NXPH1: variants seen among roughly 807,000 people sequenced by gnomAD.
The protein encoded by NXPH1 is neurexophilin 1, also known as neurexophilin-1.
NXPH1 carries 5 observed loss-of-function variants against 23.7 expected under a neutral mutation model. That is an observed-to-expected ratio of 0.21 (90% CI 0.11 to 0.44). The LOEUF (loss-of-function observed/expected upper bound fraction) is 0.44, where lower values mean the gene tolerates loss of function less well. Ranked by LOEUF, NXPH1 falls within the 20% of genes least tolerant of loss-of-function variation. The pLI is 0.99. For synonymous variants in NXPH1, 144 were observed against 122.2 expected (o/e 1.18, Z -1.18); for missense variants, 324 against 321.6 (o/e 1.01, Z -0.06).
At chr7:8,492,807 G>A (rs1314954878) in intron 2 of NXPH1, among the ~76,000 whole-genome samples, 1 of 151,936 alleles carries the variant, frequency 6.6e-6, no homozygotes, top group Non-Finnish European at 1.5e-5. Flanking sequence ...ACTGCACAAT[G>A]AGCCTTCTTA....
chr7:8,630,948 C>T (rs1408781987), intron 2 of NXPH1, among the ~76,000 whole-genome samples: 1 of 152,080 alleles, frequency 6.6e-6, no homozygotes, highest in Non-Finnish European at 1.5e-5. Context: ...TCTGAAAGGC[C>T]TCAGTATGTG....
rs575705274 is a variant in NXPH1 at position 8,433,713 on chromosome 7, G to A, written c.-1153G>A. Among the ~76,000 whole-genome samples, 287 of 152,138 alleles carry A rather than the reference G, an allele frequency of 1.9e-3. 1 individual carries two copies. Among genetic ancestry groups the A allele is most frequent in the African/African-American group, 6.6e-3 (276 of 41,520 alleles). On this transcript the variant is annotated 5_prime_UTR_variant, in exon 1 of 3. Transcript: ENST00000405863. The surrounding 1 kb of genome is among the most constrained non-coding windows in gnomAD (Gnocchi z 6.8). ...GCGCCCGGCGTCGGCGCTCGAGGCC[G>A]GCAGGGGCGCCCTGCACCCTCCCGC...
chr7:8,720,915 G>A (rs1446976612), intron 2 of NXPH1, among the ~76,000 whole-genome samples: 1 of 152,170 alleles, frequency 6.6e-6, no homozygotes, highest in Non-Finnish European at 1.5e-5. Context: ...AGCCTATGCT[G>A]TTCAAAAATG....
chr7:8,541,774 A>T (rs1203821436), intron 2 of NXPH1, among the ~76,000 whole-genome samples: 2 of 151,682 alleles, frequency 1.3e-5, no homozygotes, highest in South Asian at 2.1e-4. Context: ...TATACTATAT[A>T]TAAAGTGGTA....
intron 2 of NXPH1, among the ~76,000 whole-genome samples, chr7:8,469,636 C>T (rs77826555): frequency 1.0e-3 from 152 of 152,174 alleles, no homozygotes; most frequent in Non-Finnish European, 1.7e-3. Context: ...AATAAGCTAA[C>T]TTCATTATGA....
intron 2 of NXPH1, among the ~76,000 whole-genome samples, chr7:8,665,303 G>A (rs938206782): frequency 6.6e-6 from 1 of 151,894 alleles, no homozygotes; most frequent in African/African-American, 2.4e-5. Context: ...TGTGTTCTTG[G>A]CACATTTACT....
intron 2 of NXPH1, among the ~76,000 whole-genome samples, chr7:8,656,108 A>T (rs954626187): frequency 6.6e-6 from 1 of 152,214 alleles, no homozygotes; most frequent in Non-Finnish European, 1.5e-5. Flanking sequence ...TAAGTGATTT[A>T]TATCATTGGC....
chr7:8,690,982 C>A (rs117946754), intron 2 of NXPH1, among the ~76,000 whole-genome samples: 10 of 152,216 alleles, frequency 6.6e-5, no homozygotes, highest in Non-Finnish European at 1.3e-4. Context: ...TACTCCTTTC[C>A]TCTGAAGACT....
intron 2 of NXPH1, among the ~76,000 whole-genome samples, chr7:8,465,810 C>G (rs930569793): frequency 6.6e-6 from 1 of 152,336 alleles, no homozygotes; most frequent in African/African-American, 2.4e-5. Flanking sequence ...ACATGACTCT[C>G]ATGGGGATTA....
At chr7:8,558,209 T>A (rs1818390919) in intron 2 of NXPH1, among the ~76,000 whole-genome samples, 1 of 150,182 alleles carries the variant, frequency 6.7e-6, no homozygotes, top group Non-Finnish European at 1.5e-5. Flanking sequence ...GAGTCAAAAT[T>A]GTATCTGTTT....
At chr7:8,670,689 T>C (rs553819049) in intron 2 of NXPH1, among the ~76,000 whole-genome samples, 2 of 152,334 alleles carry the variant, frequency 1.3e-5, no homozygotes, top group East Asian at 3.9e-4. Context: ...CTTTAAAACA[T>C]AGGTCAGTGG....
intron 2 of NXPH1, among the ~76,000 whole-genome samples, chr7:8,549,304 G>A (rs548874081): frequency 2.0e-5 from 3 of 151,568 alleles, no homozygotes; most frequent in African/African-American, 7.2e-5. Flanking sequence ...ACTGACATGA[G>A]CCAAAATGAA....
intron 2 of NXPH1, among the ~76,000 whole-genome samples, chr7:8,583,733 A>G (rs1818926989): frequency 6.6e-6 from 1 of 152,192 alleles, no homozygotes; most frequent in African/African-American, 2.4e-5. Context: ...GACATTTGCC[A>G]GGTGGTCAGG....
At chr7:8,507,401 T>C (rs1275224078) in intron 2 of NXPH1, among the ~76,000 whole-genome samples, 2 of 149,886 alleles carry the variant, frequency 1.3e-5, no homozygotes, top group Middle Eastern at 3.2e-3. Context: ...AATTTTAAGA[T>C]GTCATTGAAG....
chr7:8,590,162 G>T lies in NXPH1; in HGVS notation c.54+154395G>T, dbSNP rs117300320. Reference sequence around the variant, plus strand: ...TATGTTGGGAATCTACTTGGATTCTGACACTAACATTTGGGGGCAAGCATC... The same window carrying T: ...TATGTTGGGAATCTACTTGGATTCTTACACTAACATTTGGGGGCAAGCATC... On this transcript the variant is annotated intron_variant, in intron 2 of 2. Transcript: ENST00000405863. 6.4e-3 allele frequency among the ~76,000 whole-genome samples: 979 copies of T among 152,168 alleles called. 3 individuals are homozygous for T. The highest frequency in any genetic ancestry group is 0.044 in the Middle Eastern group (13 of 294).
chr7:8,674,873 A>C (rs1820924350), intron 2 of NXPH1, among the ~76,000 whole-genome samples: 1 of 152,166 alleles, frequency 6.6e-6, no homozygotes, highest in Non-Finnish European at 1.5e-5. Flanking sequence ...CATCAGGAAC[A>C]ATCGACCTAG....
At chr7:8,736,372 T>C (rs1328431430) in intron 2 of NXPH1, among the ~76,000 whole-genome samples, 1 of 152,184 alleles carries the variant, frequency 6.6e-6, no homozygotes, top group African/African-American at 2.4e-5. Flanking sequence ...ATTTCGGCCT[T>C]CATTTTGTTA....
chr7:8,450,465 G>C (rs1816487890), intron 2 of NXPH1, among the ~76,000 whole-genome samples: 1 of 152,218 alleles, frequency 6.6e-6, no homozygotes, highest in Admixed American at 6.5e-5. Flanking sequence ...CATGTGTAAA[G>C]ATGAAGTAGA....
intron 2 of NXPH1, among the ~76,000 whole-genome samples, chr7:8,618,722 T>A (rs1026211082): frequency 1.3e-5 from 2 of 152,216 alleles, no homozygotes; most frequent in Non-Finnish European, 2.9e-5. Context: ...TCTTTCATTT[T>A]GAGAGCCTTC....
Sources: allele counts gnomAD v4.1 joint callset (sites outside exome capture counted in the v4.1 genomes callset), GRCh38; gene constraint gnomAD v4.1.1; non-coding constraint Gnocchi (gnomAD v3.1); transcripts MANE v1.5; gene names NCBI Gene and HGNC (gene_info 2026-07-23, HGNC 2026-07-21).